DGKB: variants seen among roughly 807,000 people sequenced by gnomAD.
DGKB encodes the protein 90 kDa diacylglycerol kinase.
Under a neutral mutation model 114.3 loss-of-function variants are expected in DGKB, and 67 were observed. The ratio of observed to expected loss-of-function variants is 0.59; its 90% CI spans 0.48 to 0.72. The LOEUF (loss-of-function observed/expected upper bound fraction) is 0.72, where lower values mean the gene tolerates loss of function less well. DGKB is among the 30% of genes least tolerant of loss of function. The probability of loss-of-function intolerance (pLI) is 0.00; values close to 1 mark genes in which losing one functional copy is unlikely to be tolerated. For missense variants in DGKB, 907 were observed against 975.2 expected (o/e 0.93, Z 0.93); for synonymous variants, 398 against 323.1 (o/e 1.23, Z -2.49).
intron 1 of DGKB, among the ~76,000 whole-genome samples, chr7:14,858,277 T>C (rs1850473279): frequency 6.6e-6 from 1 of 152,174 alleles, no homozygotes; most frequent in South Asian, 2.1e-4. Flanking sequence ...CACAACCAAA[T>C]TGTCTACAGC....
chr7:14,348,086 G>C (rs1164519289), intron 21 of DGKB, among the ~76,000 whole-genome samples: 2 of 151,944 alleles, frequency 1.3e-5, no homozygotes, highest in Non-Finnish European at 2.9e-5. Context: ...CATTGATACA[G>C]TTAAGATGCA....
At chr7:14,710,331 G>A (rs1355329925) in intron 6 of DGKB, among the ~76,000 whole-genome samples, 1 of 152,038 alleles carries the variant, frequency 6.6e-6, no homozygotes, top group Non-Finnish European at 1.5e-5. Flanking sequence ...ATGTCATACA[G>A]AAATACAAGT....
In DGKB at chr7:14,685,255, G is replaced by C. The variant is rs780373265; in HGVS notation, c.819C>G (p.Leu273=). The C allele has an allele frequency of 2.5e-6, 4 of 1,612,536 alleles. No homozygotes were observed. The African/African-American group carries it at 5.3e-5, about 22-fold the overall frequency. The change falls in exon 10 of 26, where the codon CTC becomes CTG. Residue 273 remains leucine, a synonymous_variant. Coordinates refer to ENST00000402815, the MANE Select transcript of DGKB (RefSeq NM_001350709.2). ...AGCAAATGTACTCACAGGAACAGCA[G>C]AGGCCCTGCTTCCCCACGCCAATCA... ...NMLIGVGKQG[L]CCSFCKYTVH... is the part of the protein sequence containing the mutation.
chr7:14,394,854 A>C (rs1156982472), intron 21 of DGKB, among the ~76,000 whole-genome samples: 2 of 152,076 alleles, frequency 1.3e-5, no homozygotes, highest in African/African-American at 4.8e-5. Flanking sequence ...CTTGAATCCA[A>C]AAATGAGCTG....
intron 6 of DGKB, among the ~76,000 whole-genome samples, chr7:14,708,520 C>G (rs1027385514): frequency 6.6e-6 from 1 of 151,082 alleles, no homozygotes; most frequent in African/African-American, 2.5e-5. Context: ...AATCCTAAGC[C>G]AAAAGAACAA....
chr7:14,178,738 G>A (rs1026343719), intron 23 of DGKB, among the ~76,000 whole-genome samples: 14 of 151,838 alleles, frequency 9.2e-5, no homozygotes, highest in East Asian at 1.9e-4. Context: ...ATGTTTTTCC[G>A]ATGTTAAGGA....
intron 2 of DGKB, among the ~76,000 whole-genome samples, chr7:14,762,142 T>A (rs17168400): frequency 0.022 from 3,336 of 152,252 alleles, 126 homozygotes; most frequent in African/African-American, 0.076. Flanking sequence ...TTTTCATCAC[T>A]GTCAGAATCA....
intron 5 of DGKB, among the ~76,000 whole-genome samples, chr7:14,730,582 T>C (rs999982726): frequency 1.3e-5 from 2 of 152,116 alleles, no homozygotes; most frequent in African/African-American, 2.4e-5. Flanking sequence ...ATGGGGTGCA[T>C]AGGGCAGGGA....
chr7:14,763,180 C>T (rs554181826), intron 2 of DGKB, among the ~76,000 whole-genome samples: 50 of 152,118 alleles, frequency 3.3e-4, no homozygotes, highest in African/African-American at 9.9e-4. Context: ...TCAGGAATCC[C>T]GCCAATGTTG....
At chr7:14,904,180 G>A (rs1272466344), upstream of DGKB, among the ~76,000 whole-genome samples, 1 of 151,794 alleles carries the variant, frequency 6.6e-6, no homozygotes. Context: ...TCACTTTCTT[G>A]TTCTGTAGAT....
chr7:14,806,869 A>G lies in DGKB; in HGVS notation c.70+34325T>C, dbSNP rs142104764. Reference sequence around the variant, plus strand: ...AAATATAACCTAGGCCCAGAAAATTAGAGCCAGGGCATTTGTTGTAGGGAT... The same window carrying G: ...AAATATAACCTAGGCCCAGAAAATTGGAGCCAGGGCATTTGTTGTAGGGAT... On this transcript the variant is annotated intron_variant, in intron 2 of 25. Coordinates refer to ENST00000402815, the MANE Select transcript of DGKB (RefSeq NM_001350709.2). 3.3e-5 allele frequency among the ~76,000 whole-genome samples: 5 copies of G among 152,180 alleles called. No individual in the cohort carries two copies. The East Asian group carries it at 9.6e-4, about 29-fold the overall frequency.
intron 23 of DGKB, among the ~76,000 whole-genome samples, chr7:14,331,149 T>C (rs113167928): frequency 6.6e-6 from 1 of 152,002 alleles, no homozygotes; most frequent in Non-Finnish European, 1.5e-5. Context: ...AAAAACATAG[T>C]TGGGAGACAT....
chr7:14,493,148 A>G (rs1469902842), intron 20 of DGKB, among the ~76,000 whole-genome samples: 1 of 152,056 alleles, frequency 6.6e-6, no homozygotes, highest in Non-Finnish European at 1.5e-5. Context: ...TGGATTGAAA[A>G]TGGAGTTTTA....
chr7:14,828,069 T>C (rs987114442), intron 2 of DGKB, among the ~76,000 whole-genome samples: 1 of 152,034 alleles, frequency 6.6e-6, no homozygotes, highest in Non-Finnish European at 1.5e-5. Context: ...CTTCAGTAGT[T>C]TAGAAAATGC....
intron 20 of DGKB, among the ~76,000 whole-genome samples, chr7:14,514,427 A>G (rs1362339886): frequency 6.6e-6 from 1 of 152,106 alleles, no homozygotes; most frequent in Non-Finnish European, 1.5e-5. Context: ...CTCTAGAATA[A>G]TCAGTTGCAT....
chr7:14,496,764 A>G (rs1156943874), intron 20 of DGKB, among the ~76,000 whole-genome samples: 3 of 151,778 alleles, frequency 2.0e-5, no homozygotes, highest in South Asian at 2.1e-4. Context: ...CAAAGATGAA[A>G]ACAGAGGATA....
chr7:14,630,955 G>T (rs576760478), intron 13 of DGKB, among the ~76,000 whole-genome samples: 9 of 150,920 alleles, frequency 6.0e-5, no homozygotes, highest in African/African-American at 2.2e-4. Context: ...CCAAAAGCCT[G>T]CATTCTATGG....
intron 5 of DGKB, among the ~76,000 whole-genome samples, chr7:14,722,849 C>G (rs926848336): frequency 1.3e-5 from 2 of 151,768 alleles, no homozygotes; most frequent in Non-Finnish European, 2.9e-5. Flanking sequence ...AAAAAACTCA[C>G]AGATTTATTC....
At chr7:14,356,352 C>CTTTTTTTTTTTTTTT (rs997102742) in intron 21 of DGKB, among the ~76,000 whole-genome samples, 5 of 77,226 alleles carry the variant, frequency 6.5e-5, no homozygotes, top group Non-Finnish European at 7.7e-5. Context: ...TTCTCTAGTT[C>CTTTTTTTTTTTTTTT]TTTTTTTTTT....
Sources: gnomAD v4.1 joint callset for allele counts (sites outside exome capture counted in the v4.1 genomes callset) on GRCh38, gnomAD v4.1.1 for gene constraint, MANE v1.5 for transcripts, NCBI Gene and HGNC (gene_info 2026-07-23, HGNC 2026-07-21) for gene names.